SH3YL1: variants seen among roughly 807,000 people sequenced by gnomAD.
SH3YL1 encodes the protein SH3 domain-containing YSC84-like protein 1.
A neutral mutation model predicts 45.8 loss-of-function variants in SH3YL1; 41 were observed. The ratio of observed to expected loss-of-function variants is 0.89; its 90% CI spans 0.70 to 1.16. SH3YL1 has a LOEUF of 1.16. Ranked by LOEUF, SH3YL1 falls within the 50% of genes most tolerant of loss-of-function variation. The pLI is 0.00. For synonymous variants in SH3YL1, 152 were observed against 151.4 expected (o/e 1.00, Z -0.03); for missense variants, 389 against 409.6 (o/e 0.95, Z 0.43).
At chr2:263,304 C>T (rs1669671248) in intron 1 of SH3YL1, 1 of 154,186 alleles carries the variant, frequency 6.5e-6, no homozygotes, top group African/African-American at 2.4e-5. Flanking sequence ...GTAAAGGACA[C>T]ATCTCTGTCC....
intron 1 of SH3YL1, chr2:255,808 T>C (rs1369987434): frequency 6.6e-6 from 1 of 152,166 alleles, no homozygotes; most frequent in Non-Finnish European, 1.5e-5. Context: ...TTATGCAAAA[T>C]TAAGTGTGCA....
Position 224,855 on chromosome 2 carries a change from C to G in SH3YL1, c.838+9G>C. ...GAATCATTTATAACATATAGATTTA[C>G]TGATTTACCAACTCTCTCATGATAG... On this transcript the variant is annotated intron_variant, in intron 9 of 9. Coordinates refer to ENST00000356150, the MANE Select transcript of SH3YL1 (RefSeq NM_015677.4). 1.9e-6 allele frequency: 3 copies of G among 1,581,448 alleles called. No homozygotes were observed. The highest frequency in any genetic ancestry group is 2.6e-6 in the Non-Finnish European group (3 of 1,150,520).
chr2:227,710 C>T (rs1042601542), intron 8 of SH3YL1, among the ~76,000 whole-genome samples: 14 of 151,802 alleles, frequency 9.2e-5, no homozygotes, highest in Non-Finnish European at 1.3e-4. Context: ...GAGAAAACAA[C>T]GTGAAAGTTC....
At chr2:247,893 T>C (rs1351577255) in intron 3 of SH3YL1, among the ~76,000 whole-genome samples, 4 of 152,354 alleles carry the variant, frequency 2.6e-5, no homozygotes, top group South Asian at 2.1e-4. Context: ...CCCTAACCAT[T>C]AGCCATACAG....
chr2:218,706 A>G lies in SH3YL1; in HGVS notation c.*105T>C. 1 of 1,000,740 alleles carries G rather than the reference A, an allele frequency of 1.0e-6. No homozygotes were observed. The highest frequency in any genetic ancestry group is 2.7e-5 in the East Asian group (1 of 37,476). 62.0% of individuals were successfully genotyped at this position (1,000,740 alleles called of 1,614,324 possible). Reference sequence around the variant, plus strand: ...TACATACGGAATGGAAATTTTGTAGAACAGAAGTTTTTTAAAATTTATATT... The same window carrying G: ...TACATACGGAATGGAAATTTTGTAGGACAGAAGTTTTTTAAAATTTATATT... On this transcript the variant is annotated 3_prime_UTR_variant, in exon 10 of 10. Transcript: ENST00000356150.
chr2:223,752 A>G (rs1667676947), intron 9 of SH3YL1, among the ~76,000 whole-genome samples: 1 of 152,200 alleles, frequency 6.6e-6, no homozygotes, highest in Non-Finnish European at 1.5e-5. Context: ...CTTTCTCTGC[A>G]TACCTAAGAC....
At chr2:222,159 G>T (rs1558231878) in intron 9 of SH3YL1, among the ~76,000 whole-genome samples, 1 of 152,134 alleles carries the variant, frequency 6.6e-6, no homozygotes, top group Admixed American at 6.5e-5. Context: ...GGATCTTTGA[G>T]GGAATTGGCC....
At chr2:247,335 A>G (rs1668864410) in intron 4 of SH3YL1, among the ~76,000 whole-genome samples, 1 of 152,222 alleles carries the variant, frequency 6.6e-6, no homozygotes, top group Non-Finnish European at 1.5e-5. Flanking sequence ...AAGAAATCCT[A>G]CTACTAAGGA....
chr2:234,324 T>C (rs756965441), intron 4 of SH3YL1, 52 bp from the exon 5 acceptor site: 3 of 1,387,460 alleles, frequency 2.2e-6, no homozygotes, highest in Non-Finnish European at 3.0e-6. Flanking sequence ...AAATATCATT[T>C]AAAATTCATC....
Position 244,263 on chromosome 2 carries a change from G to A in SH3YL1, c.291+3275C>T, listed in dbSNP as rs1043004418. ...TTTAATCCCAGCACTTTGGGAGGCCGAGGCAGGCGGATCACGAGGTCAGGA... is the reference window on the plus strand; with the variant it reads ...TTTAATCCCAGCACTTTGGGAGGCCAAGGCAGGCGGATCACGAGGTCAGGA... On this transcript the variant is annotated intron_variant, in intron 4 of 9. Transcript: ENST00000356150. Among the ~76,000 whole-genome samples the A allele has an allele frequency of 2.6e-5, 4 of 152,022 alleles. No homozygotes were observed. In the South Asian group the frequency reaches 6.2e-4, roughly 24 times the overall value.
At chr2:252,844 C>T (rs969081051) in intron 2 of SH3YL1, among the ~76,000 whole-genome samples, 161 bp downstream of exon 2, 3 of 152,026 alleles carry the variant, frequency 2.0e-5, no homozygotes, top group African/African-American at 7.2e-5. Flanking sequence ...CCAAAGCATC[C>T]CTGGATCAGT....
At chr2:257,724 C>G (rs1669405988) in intron 1 of SH3YL1, among the ~76,000 whole-genome samples, 1 of 152,172 alleles carries the variant, frequency 6.6e-6, no homozygotes, top group African/African-American at 2.4e-5. Flanking sequence ...TGGGGGCTGC[C>G]CGACTTGCAT....
At chr2:257,305 C>T (rs529289387) in intron 1 of SH3YL1, among the ~76,000 whole-genome samples, 1 of 152,210 alleles carries the variant, frequency 6.6e-6, no homozygotes, top group East Asian at 1.9e-4. Context: ...AAATCTTTGC[C>T]AGCGATTATG....
At chr2:234,547 C>T (rs1050388185) in intron 4 of SH3YL1, among the ~76,000 whole-genome samples, 8 of 152,196 alleles carry the variant, frequency 5.3e-5, no homozygotes, top group African/African-American at 1.7e-4. Flanking sequence ...ATCTTCCACA[C>T]AACCTGGTCA....
intron 4 of SH3YL1, chr2:244,542 CGAAA>C (rs1040662510): frequency 1.5e-5 from 2 of 136,626 alleles, no homozygotes; most frequent in African/African-American, 5.3e-5. Context: ...AAAGAAAGAA[CGAAA>C]GAAAGAAAAG....
At chr2:256,895 T>G (rs2103056862) in intron 1 of SH3YL1, among the ~76,000 whole-genome samples, 1 of 152,256 alleles carries the variant, frequency 6.6e-6, no homozygotes. Context: ...ACTTGCAATG[T>G]CCAGTTTTTA....
chr2:243,711 C>A, intron 4 of SH3YL1: 2 of 874,436 alleles, frequency 2.3e-6, no homozygotes, highest in Non-Finnish European at 3.4e-6. Flanking sequence ...CCCGGAAGAA[C>A]ATTTGCTCAG....
intron 1 of SH3YL1, among the ~76,000 whole-genome samples, chr2:258,252 C>A (rs1253557461): frequency 6.6e-6 from 1 of 152,084 alleles, no homozygotes; most frequent in African/African-American, 2.4e-5. Flanking sequence ...GGCAGTATGG[C>A]AATTTTAATA....
At chr2:229,810 CAT>C (rs1222854483) in intron 8 of SH3YL1, 154 bp downstream of exon 8, 2 of 460,194 alleles carry the variant, frequency 4.3e-6, no homozygotes, top group South Asian at 3.9e-5. Flanking sequence ...CAATTTGTCT[CAT>C]GTATTTAGAA....
Sources: gnomAD v4.1 joint callset for allele counts (sites outside exome capture counted in the v4.1 genomes callset) on GRCh38, gnomAD v4.1.1 for gene constraint, MANE v1.5 for transcripts, NCBI Gene and HGNC (gene_info 2026-07-23, HGNC 2026-07-21) for gene names.